Variants in NEGR1 observed in about 807,000 individuals in gnomAD.
NEGR1 encodes the protein neuronal growth regulator 1.
In NEGR1, 10 loss-of-function variants were observed where a neutral mutation model predicts 40.9. That is an observed-to-expected ratio of 0.24 (90% CI 0.15 to 0.42). The LOEUF is 0.42. NEGR1 is among the 10% of genes least tolerant of loss of function. The pLI, the probability that NEGR1 is intolerant of heterozygous loss-of-function variation, is 1.00. For synonymous variants in NEGR1, 185 were observed against 166.8 expected (o/e 1.11, Z -0.84); for missense variants, 352 against 438.9 (o/e 0.80, Z 1.77).
intron 6 of NEGR1, chr1:71,476,893 T>A (rs991014083): frequency 6.6e-6 from 1 of 152,092 alleles, no homozygotes; most frequent in Non-Finnish European, 1.5e-5. Context: ...GTACAACAGA[T>A]TTCAATTTCT....
intron 1 of NEGR1, among the ~76,000 whole-genome samples, chr1:71,970,235 T>C (rs528867719): frequency 1.8e-4 from 27 of 152,066 alleles, no homozygotes; most frequent in Admixed American, 1.6e-3. Context: ...TGTACACCTA[T>C]TGGGTGGGGA....
At chr1:71,898,964 C>CAA (rs1661058535) in intron 2 of NEGR1, among the ~76,000 whole-genome samples, 1 of 95,938 alleles carries the variant, frequency 1.0e-5, no homozygotes, top group African/African-American at 5.2e-5. Flanking sequence ...ATATATATAG[C>CAA]ATATATATAT....
chr1:71,688,328 A>ATATATATATATATC, intron 4 of NEGR1, among the ~76,000 whole-genome samples: 1 of 87,468 alleles, frequency 1.1e-5, no homozygotes, highest in Non-Finnish European at 2.3e-5. Flanking sequence ...ATATATATAT[A>ATATATATATATATC]GATAGATAGA....
At chr1:72,237,268 C>T (rs1439358136) in intron 1 of NEGR1, among the ~76,000 whole-genome samples, 1 of 151,932 alleles carries the variant, frequency 6.6e-6, no homozygotes, top group Non-Finnish European at 1.5e-5. Flanking sequence ...TATAGATTAG[C>T]AGGAACCTGA....
intron 1 of NEGR1, among the ~76,000 whole-genome samples, chr1:72,042,550 G>T (rs1415647416): frequency 1.3e-5 from 2 of 151,882 alleles, no homozygotes; most frequent in Non-Finnish European, 2.9e-5. Context: ...ACAAATAAAA[G>T]AATACTCTTT....
chr1:72,179,883 GA>G (rs1291891204), intron 1 of NEGR1, among the ~76,000 whole-genome samples: 2 of 151,576 alleles, frequency 1.3e-5, no homozygotes, highest in African/African-American at 4.8e-5. Context: ...AGACATAGAA[GA>G]AGAAATATAT....
At chr1:71,841,946 G>T (rs371958872) in intron 2 of NEGR1, among the ~76,000 whole-genome samples, 1 of 152,072 alleles carries the variant, frequency 6.6e-6, no homozygotes, top group Non-Finnish European at 1.5e-5. Context: ...TTCCTTCAAC[G>T]TAAGTATCTT....
intron 6 of NEGR1, among the ~76,000 whole-genome samples, chr1:71,540,244 T>C (rs1241104006): frequency 6.6e-6 from 1 of 151,812 alleles, no homozygotes; most frequent in Admixed American, 6.6e-5. Context: ...TGGTTTTCTC[T>C]CTAATACAAA....
At chr1:71,507,763 T>C in intron 6 of NEGR1, among the ~76,000 whole-genome samples, 1 of 152,318 alleles carries the variant, frequency 6.6e-6, no homozygotes, top group Admixed American at 6.5e-5. Flanking sequence ...CTCAAGGGTG[T>C]TAAGGGGAAT....
At chr1:71,814,776 A>G (rs1406835724) in intron 2 of NEGR1, among the ~76,000 whole-genome samples, 1 of 151,902 alleles carries the variant, frequency 6.6e-6, no homozygotes, top group Non-Finnish European at 1.5e-5. Context: ...ATCACTTTTT[A>G]TTGTGTCTAT....
intron 1 of NEGR1, among the ~76,000 whole-genome samples, chr1:72,134,203 T>C (rs1041306068): frequency 4.1e-5 from 6 of 147,176 alleles, no homozygotes; most frequent in Non-Finnish European, 7.5e-5. Flanking sequence ...GGGAAATACG[T>C]TTTTTTTTTC....
At chr1:71,825,187 G>A (rs767746964) in intron 2 of NEGR1, among the ~76,000 whole-genome samples, 1 of 151,838 alleles carries the variant, frequency 6.6e-6, no homozygotes, top group Non-Finnish European at 1.5e-5. Flanking sequence ...CATTCTGGGG[G>A]ATGTAAAATA....
chr1:72,119,933 C>T (rs1286063063), intron 1 of NEGR1, among the ~76,000 whole-genome samples: 1 of 151,944 alleles, frequency 6.6e-6, no homozygotes, highest in Non-Finnish European at 1.5e-5. Flanking sequence ...GACAAGCTTC[C>T]TTTAACTGGG....
chr1:71,568,861 TG>T (rs1648717288), intron 6 of NEGR1, among the ~76,000 whole-genome samples: 2 of 151,516 alleles, frequency 1.3e-5, no homozygotes, highest in Non-Finnish European at 2.9e-5. Flanking sequence ...TGTGTGTGTG[TG>T]TGTGTATACG....
At chr1:71,961,973 A>C (rs1193962451) in intron 1 of NEGR1, among the ~76,000 whole-genome samples, 1 of 152,126 alleles carries the variant, frequency 6.6e-6, no homozygotes, top group Admixed American at 6.6e-5. Flanking sequence ...GAAATAATCA[A>C]GTTTGGGGGC....
intron 1 of NEGR1, among the ~76,000 whole-genome samples, chr1:72,204,560 C>T (rs1395170322): frequency 6.6e-6 from 1 of 152,130 alleles, no homozygotes; most frequent in Non-Finnish European, 1.5e-5. Context: ...GCTTTGCTCT[C>T]ATTCACAGCA....
At chr1:71,995,429 G>T (rs1646495923) in intron 1 of NEGR1, among the ~76,000 whole-genome samples, 1 of 151,940 alleles carries the variant, frequency 6.6e-6, no homozygotes, top group South Asian at 2.1e-4. Context: ...TCAGAGAAAG[G>T]GTTTTTGGGA....
At chr1:71,523,754 CT>C (rs2101433957) in intron 6 of NEGR1, among the ~76,000 whole-genome samples, 1 of 151,890 alleles carries the variant, frequency 6.6e-6, no homozygotes, top group Non-Finnish European at 1.5e-5. Context: ...TAGGAAGCTT[CT>C]TTTAAAATAC....
intron 1 of NEGR1, among the ~76,000 whole-genome samples, chr1:72,010,162 C>A (rs1158834355): frequency 6.6e-6 from 1 of 151,958 alleles, no homozygotes; most frequent in East Asian, 1.9e-4. Context: ...GTTTGGTTTT[C>A]TTTTTTTCTG....
Sources: gnomAD v4.1 joint callset for allele counts (sites outside exome capture counted in the v4.1 genomes callset) on GRCh38, gnomAD v4.1.1 for gene constraint, MANE v1.5 for transcripts, NCBI Gene and HGNC (gene_info 2026-07-23, HGNC 2026-07-21) for gene names.